The following WASHC2A variants were observed in gnomAD, a reference collection of about 807,000 sequenced individuals.
WASHC2A encodes WASH complex subunit FAM21A.
Under a neutral mutation model 140.3 loss-of-function variants are expected in WASHC2A, and 82 were observed. The ratio of observed to expected loss-of-function variants is 0.58; its 90% CI spans 0.49 to 0.70. The LOEUF (loss-of-function observed/expected upper bound fraction) is 0.70. WASHC2A is among the 30% of genes least tolerant of loss of function. The pLI is 0.00. For synonymous variants in WASHC2A, 340 were observed against 560.8 expected, an observed-to-expected ratio of 0.61 and a Z score of 5.56; for missense variants, 985 against 1,521.8, an observed-to-expected ratio of 0.65 and a Z score of 5.87.
chr10:50,110,811 T>G (rs1202949809), intron 20 of WASHC2A, among the ~76,000 whole-genome samples: 3 of 144,326 alleles, frequency 2.1e-5, no homozygotes, highest in East Asian at 4.0e-4. Flanking sequence ...AAGAATGGCT[T>G]GAACTTGGGA....
At chr10:50,077,086 C>T (rs1194540568) in intron 3 of WASHC2A, among the ~76,000 whole-genome samples, 62 of 146,936 alleles carry the variant, frequency 4.2e-4, no homozygotes, top group African/African-American at 1.5e-3. Context: ...CACTGCACTC[C>T]AGCCTTGGCA....
intron 11 of WASHC2A, among the ~76,000 whole-genome samples, chr10:50,092,838 A>T (rs1840064153): frequency 6.6e-6 from 1 of 152,210 alleles, no homozygotes; most frequent in Non-Finnish European, 1.5e-5. Flanking sequence ...AATAAAGGAT[A>T]CACCAGGCCT....
In WASHC2A at chr10:50,111,769, C is replaced by G. The variant is rs1258024340; in HGVS notation, c.2039+1499C>G. On this transcript the variant is annotated intron_variant, in intron 20 of 30. Coordinates refer to ENST00000282633, the MANE Select transcript of WASHC2A (RefSeq NM_001005751.3). Reference sequence around the variant, plus strand: ...TCCCGGCTGGGCGCAGTGGCTCACGCCTGTAATCCCAGCACTTGGGGAGGC... The same window carrying G: ...TCCCGGCTGGGCGCAGTGGCTCACGGCTGTAATCCCAGCACTTGGGGAGGC... Among the ~76,000 whole-genome samples the G allele has an allele frequency of 7.9e-5, 12 of 152,360 alleles. No individual in the cohort carries two copies. The East Asian group carries it at 2.1e-3, about 27-fold the overall frequency.
At chr10:50,092,313 C>T (rs1840005685) in intron 11 of WASHC2A, 80 bp downstream of exon 11, 2 of 929,880 alleles carry the variant, frequency 2.2e-6, no homozygotes, top group African/African-American at 1.7e-5. Context: ...TGAAGTACTG[C>T]TTTACATGCT....
In WASHC2A at chr10:50,097,739, C is replaced by G. The variant is rs533311813; in HGVS notation, c.1485C>G (p.Ala495=). 1.9e-5 allele frequency: 31 copies of G among 1,606,160 alleles called. No individual in the cohort carries two copies. The highest frequency in any genetic ancestry group is 1.0e-4 in the Admixed American group (6 of 59,110). Residue 495 remains alanine (A), a synonymous_variant, in exon 16 of 31, where the codon GCC becomes GCG. Coordinates refer to ENST00000282633, the MANE Select transcript of WASHC2A (RefSeq NM_001005751.3). ...AAGGAGATCTGTTCAAAGAAAAAGC[C>G]GTAGCATCGCCAGAAGCCACTGTGA... The part of the protein sequence containing the change: ...DEEGDLFKEK[A]VASPEATVSQ...
At chr10:50,110,521 C>G (rs1331156248) in intron 20 of WASHC2A, among the ~76,000 whole-genome samples, 5 of 151,398 alleles carry the variant, frequency 3.3e-5, no homozygotes, top group Non-Finnish European at 7.4e-5. Flanking sequence ...CTTTGTTTGT[C>G]AGGGATTTGA....
chr10:50,075,866 A>G (rs1189824184), intron 3 of WASHC2A, among the ~76,000 whole-genome samples: 31 of 152,100 alleles, frequency 2.0e-4, no homozygotes, highest in Admixed American at 1.8e-3. Context: ...ATGGTTATCA[A>G]TCTTTGGCTT....
chr10:50,075,208 A>T (rs1447641597), intron 3 of WASHC2A, among the ~76,000 whole-genome samples: 1 of 151,674 alleles, frequency 6.6e-6, no homozygotes, highest in Non-Finnish European at 1.5e-5. Flanking sequence ...AATGTTATTT[A>T]TGAAATGTTT....
intron 17 of WASHC2A, among the ~76,000 whole-genome samples, 159 bp from the exon 18 acceptor site, chr10:50,103,883 C>G (rs1362492380): frequency 6.6e-6 from 1 of 152,032 alleles, no homozygotes; most frequent in African/African-American, 2.4e-5. Context: ...ACCCTGAGGC[C>G]TATCCCTTTA....
intron 5 of WASHC2A, among the ~76,000 whole-genome samples, chr10:50,082,489 T>G (rs1349854765): frequency 7.1e-6 from 1 of 140,572 alleles, no homozygotes; most frequent in Non-Finnish European, 1.6e-5. Context: ...CCCTATTTTT[T>G]TTTTTTTTTT....
intron 3 of WASHC2A, among the ~76,000 whole-genome samples, chr10:50,075,814 A>G (rs1368079607): frequency 1.3e-5 from 2 of 152,096 alleles, no homozygotes; most frequent in African/African-American, 2.4e-5. Flanking sequence ...CTAATGTCTT[A>G]TTAGGGCAAG....
chr10:50,132,893 A>C lies in WASHC2A; in HGVS notation c.3974A>C (p.His1325Pro). 4 of 1,612,076 alleles carry C rather than the reference A, an allele frequency of 2.5e-6. No individual in the cohort carries two copies. In the South Asian group the frequency reaches 3.3e-5, roughly 13 times the overall value. The change falls in exon 31 of 31, where the codon CAC becomes CCC. Residue 1325 changes from histidine to proline, a missense_variant. Transcript: ENST00000282633. ...AQAAPEPRFE[H>P]KVSNIFDDPL... ...GCCGCACCTGAACCAAGATTTGAAC[A>C]CAAGGTGTCCAACATCTTTGATGAT...
At chr10:50,097,391 G>A (rs1412319314) in intron 15 of WASHC2A, among the ~76,000 whole-genome samples, 1 of 150,802 alleles carries the variant, frequency 6.6e-6, no homozygotes, top group Non-Finnish European at 1.5e-5. Context: ...TCTTCACCTT[G>A]TAAGCCAGTC....
intron 3 of WASHC2A, among the ~76,000 whole-genome samples, chr10:50,072,277 G>T (rs1450839722): frequency 6.6e-6 from 1 of 150,642 alleles, no homozygotes; most frequent in African/African-American, 2.4e-5. Flanking sequence ...ATGCCCCTTC[G>T]CCTTCCAGTC....
Position 50,125,349 on chromosome 10 carries a change from T to A in WASHC2A, c.2608-20T>A. 1 of 1,601,292 alleles carries A rather than the reference T, an allele frequency of 6.2e-7. No homozygotes were observed. The highest frequency in any genetic ancestry group is 8.5e-7 in the Non-Finnish European group (1 of 1,172,830). On this transcript the variant is annotated intron_variant, in intron 24 of 30. Transcript: ENST00000282633. ...ATTGTTTTGCTTTTGGATATTGAAC[T>A]TGGGTCTTGTTTATTCTAGCTGTTA...
intron 19 of WASHC2A, among the ~76,000 whole-genome samples, chr10:50,109,186 A>G (rs1842050477): frequency 6.6e-6 from 1 of 152,224 alleles, no homozygotes; most frequent in Non-Finnish European, 1.5e-5. Context: ...TTGATTTGCA[A>G]GACTCTAGAC....
intron 4 of WASHC2A, among the ~76,000 whole-genome samples, chr10:50,079,253 C>T (rs1359959172): frequency 1.3e-5 from 2 of 151,698 alleles, no homozygotes; most frequent in Non-Finnish European, 2.9e-5. Context: ...ATATGGATCA[C>T]CTGTAAAGGT....
chr10:50,076,505 A>T (rs1236260225), intron 3 of WASHC2A, among the ~76,000 whole-genome samples: 1 of 152,210 alleles, frequency 6.6e-6, no homozygotes, highest in Admixed American at 6.5e-5. Flanking sequence ...GCAGATACTT[A>T]AAGATGGGTG....
At chr10:50,084,579 C>T (rs2132472059) in intron 6 of WASHC2A, among the ~76,000 whole-genome samples, 1 of 151,106 alleles carries the variant, frequency 6.6e-6, no homozygotes, top group South Asian at 2.1e-4. Flanking sequence ...CACAGGCGTG[C>T]ACCACCACAC....
Sources: allele counts gnomAD v4.1 joint callset (sites outside exome capture counted in the v4.1 genomes callset), GRCh38; gene constraint gnomAD v4.1.1; transcripts MANE v1.5; gene names NCBI Gene and HGNC (gene_info 2026-07-23, HGNC 2026-07-21).